Variants in CDON observed in about 807,000 individuals in gnomAD.
CDON encodes cell adhesion molecule-related/down-regulated by oncogenes.
In CDON, 73 loss-of-function variants were observed where a neutral mutation model predicts 120.9. The observed-to-expected ratio is 0.60, with a 90% CI of 0.50 to 0.73. The LOEUF is 0.73. CDON is among the 30% of genes least tolerant of loss of function. CDON has a pLI of 0.00. For synonymous variants in CDON, 566 were observed against 573.5 expected (o/e 0.99, Z 0.19); for missense variants, 1,470 against 1,587.3 (o/e 0.93, Z 1.26).
At chr11:126,044,685 T>A (rs1408255496) in intron 1 of CDON, among the ~76,000 whole-genome samples, 3 of 152,112 alleles carry the variant, frequency 2.0e-5, no homozygotes, top group Non-Finnish European at 4.4e-5. Context: ...GAGCTAAAAA[T>A]TTTTTAAAAT....
intron 5 of CDON, among the ~76,000 whole-genome samples, chr11:126,017,969 A>G (rs1185145207): frequency 6.6e-6 from 1 of 151,766 alleles, no homozygotes; most frequent in Non-Finnish European, 1.5e-5. Context: ...GCGCAATCTC[A>G]GCTCACTGCA....
At chr11:126,029,585 C>T (rs1947893724) in intron 1 of CDON, among the ~76,000 whole-genome samples, 2 of 151,478 alleles carry the variant, frequency 1.3e-5, no homozygotes, top group South Asian at 4.2e-4. Context: ...TCTCTATTTC[C>T]CTAATCTACT....
rs185498132 is a variant in CDON at position 125,987,757 on chromosome 11, C to T, written c.2773+1880G>A. Among the ~76,000 whole-genome samples the T allele has an allele frequency of 2.7e-3, 407 of 152,236 alleles. 1 individual carries two copies. The highest frequency in any genetic ancestry group is 4.8e-3 in the Non-Finnish European group (327 of 68,026). On this transcript the variant is annotated intron_variant, in intron 15 of 19. Coordinates refer to ENST00000531738, the MANE Select transcript of CDON (RefSeq NM_001378964.1). ...AATTTCATTTTTATTTAACTTTACTCCAAGTATCCCATGAACACATCACAG... is the reference window on the plus strand; with the variant it reads ...AATTTCATTTTTATTTAACTTTACTTCAAGTATCCCATGAACACATCACAG...
intron 8 of CDON, among the ~76,000 whole-genome samples, chr11:126,009,782 C>G (rs553131293): frequency 6.6e-6 from 1 of 152,234 alleles, no homozygotes; most frequent in South Asian, 2.1e-4. Context: ...GAGTCCATTT[C>G]CATGAATATT....
chr11:126,046,065 T>C (rs181420662), intron 1 of CDON, among the ~76,000 whole-genome samples: 2 of 152,248 alleles, frequency 1.3e-5, no homozygotes, highest in Admixed American at 6.5e-5. Context: ...AATTAAGACA[T>C]ATTCACTGAA....
rs1218648324 is a variant in CDON at position 126,034,692 on chromosome 11, A to C, written c.-61-11155T>G. 6.6e-6 allele frequency among the ~76,000 whole-genome samples: 1 copy of C among 152,226 alleles called. No individual in the cohort carries two copies. Among genetic ancestry groups the C allele is most frequent in the Non-Finnish European group, 1.5e-5 (1 of 68,040 alleles). ...TATAAATATTTAAAAGCATAGCTGC[A>C]TACAAATGGTGAAATTCTAAAAAGC... On this transcript the variant is annotated intron_variant, in intron 1 of 19. Transcript: ENST00000531738. This position sits in a 1 kb window ranked among gnomAD's most constrained non-coding sequence, Gnocchi z 4.5.
Position 125,994,945 on chromosome 11 carries a change from T to G in CDON, c.2470A>C (p.Ser824Arg). 6.2e-7 allele frequency: 1 copy of G among 1,614,094 alleles called. No individual in the cohort carries two copies. The highest frequency in any genetic ancestry group is 8.5e-7 in the Non-Finnish European group (1 of 1,179,962). The change falls in exon 13 of 20, where the codon AGC (serine) becomes CGC (arginine). Residue 824 changes from serine to arginine, a missense_variant. Ser to Arg is a moderately radical substitution (Grantham distance 110). Coordinates refer to ENST00000531738, the MANE Select transcript of CDON (RefSeq NM_001378964.1). ...ATGTGAGGTCCAGTTATTGGACGGC[T>G]GGAAAAGCGATTGGGGAACCCAACC... ...QVVGFPNRFS[S>R]RPITGPHIAY...
intron 1 of CDON, among the ~76,000 whole-genome samples, chr11:126,024,968 G>A (rs1301678267): frequency 1.3e-5 from 2 of 152,170 alleles, no homozygotes; most frequent in Non-Finnish European, 1.5e-5. Flanking sequence ...ACTTTGGGAA[G>A]CTGAGGAAGG....
At chr11:126,052,053 A>T (rs183713402) in intron 1 of CDON, among the ~76,000 whole-genome samples, 83 of 152,318 alleles carry the variant, frequency 5.4e-4, no homozygotes, top group African/African-American at 1.5e-3. Context: ...AGTCAATCTC[A>T]TAATGACTCA....
chr11:125,973,897 A>AT (rs940162705), intron 18 of CDON, among the ~76,000 whole-genome samples: 110 of 149,260 alleles, frequency 7.4e-4, no homozygotes, highest in Admixed American at 2.3e-3. Context: ...TATTTATGTC[A>AT]TTTTTTTTTT....
chr11:126,003,169 A>G (rs935573456), intron 10 of CDON, among the ~76,000 whole-genome samples: 2 of 152,052 alleles, frequency 1.3e-5, no homozygotes, highest in African/African-American at 4.8e-5. Flanking sequence ...GTCTCTCTCA[A>G]CTAGAATGTA....
intron 1 of CDON, among the ~76,000 whole-genome samples, chr11:126,050,678 G>A (rs1238435999): frequency 1.3e-5 from 2 of 152,064 alleles, no homozygotes; most frequent in African/African-American, 2.4e-5. Context: ...TGTAATTGCC[G>A]AAATACAAAC....
In CDON at chr11:126,010,686, A is replaced by C. The variant is rs774955525; in HGVS notation, c.1207T>G (p.Phe403Val). The change falls in exon 8 of 20, where the codon TTC becomes GTC. Residue 403 changes from phenylalanine (F) to valine (V), a missense_variant. Coordinates refer to ENST00000531738, the MANE Select transcript of CDON (RefSeq NM_001378964.1). ...GGTGCCGTAATTATAACTGGCTTGA[A>C]TCCACCGTCTATTAAAAAAGTAATT... ...GRLEIENDGG[F>V]KPVIITAPVS... 2 of 1,613,782 alleles carry C rather than the reference A, an allele frequency of 1.2e-6. No homozygotes were observed. The highest frequency in any genetic ancestry group is 1.7e-6 in the Non-Finnish European group (2 of 1,179,712).
intron 1 of CDON, among the ~76,000 whole-genome samples, chr11:126,047,498 C>T: frequency 6.6e-6 from 1 of 152,156 alleles, no homozygotes; most frequent in Middle Eastern, 3.2e-3. Context: ...GTAACCTGTA[C>T]CACAATAAGA....
intron 18 of CDON, among the ~76,000 whole-genome samples, chr11:125,970,203 T>A (rs1404869133): frequency 7.6e-6 from 1 of 131,874 alleles, no homozygotes; most frequent in East Asian, 2.3e-4. Flanking sequence ...TGAGACAGAG[T>A]CTTGCTCTGT....
chr11:126,054,545 C>A (rs565845950), intron 1 of CDON, among the ~76,000 whole-genome samples: 13 of 152,082 alleles, frequency 8.5e-5, no homozygotes, highest in African/African-American at 2.4e-4. Context: ...TGAATTTTTA[C>A]GAGCAAAATC....
intron 2 of CDON, 64 bp from the exon 3 acceptor site, chr11:126,021,584 T>A: frequency 1.8e-6 from 2 of 1,107,368 alleles, no homozygotes; most frequent in Non-Finnish European, 2.7e-6. Context: ...AGAAAGAAGA[T>A]TACATTAAAC....
At chr11:126,021,928 C>T (rs549016388) in intron 2 of CDON, among the ~76,000 whole-genome samples, 2 of 151,860 alleles carry the variant, frequency 1.3e-5, no homozygotes, top group South Asian at 4.2e-4. Flanking sequence ...CATGGCAAAA[C>T]CCTATCTCAA....
intron 18 of CDON, among the ~76,000 whole-genome samples, chr11:125,971,327 G>A (rs1591549678): frequency 6.6e-6 from 1 of 151,908 alleles, no homozygotes; most frequent in South Asian, 2.1e-4. Context: ...AGCTTGCAGT[G>A]AGCCGAGATC....
Sources: gnomAD v4.1 joint callset for allele counts (sites outside exome capture counted in the v4.1 genomes callset) on GRCh38, gnomAD v4.1.1 for gene constraint, Gnocchi (gnomAD v3.1) non-coding constraint, MANE v1.5 for transcripts, NCBI Gene and HGNC (gene_info 2026-07-23, HGNC 2026-07-21) for gene names.